KCNJ5: variants seen among roughly 807,000 people sequenced by gnomAD.
The protein encoded by KCNJ5 is potassium inwardly rectifying channel subfamily J member 5, also known as G protein-activated inward rectifier potassium channel 4.
In KCNJ5, 12 loss-of-function variants were observed where a neutral mutation model predicts 20.2. The ratio of observed to expected loss-of-function variants is 0.59; its 90% CI spans 0.38 to 0.96. The LOEUF is 0.96. Ranked by LOEUF, KCNJ5 falls within the 40% of genes least tolerant of loss-of-function variation. The probability of loss-of-function intolerance (pLI) is 0.00; values close to 1 mark genes in which losing one functional copy is unlikely to be tolerated. For synonymous variants in KCNJ5, 210 were observed against 213.9 expected, an observed-to-expected ratio of 0.98 and a Z score of 0.16; for missense variants, 449 against 557.6, an observed-to-expected ratio of 0.81 and a Z score of 1.96.
intron 1 of KCNJ5, among the ~76,000 whole-genome samples, chr11:128,905,044 T>C (rs1944374458): frequency 6.6e-6 from 1 of 152,232 alleles, no homozygotes; most frequent in Non-Finnish European, 1.5e-5. Context: ...AGGTTGGTAA[T>C]TGTGAAAAGC....
chr11:128,911,619 G>T lies in KCNJ5; in HGVS notation c.346G>T (p.Gly116Cys). The change falls in exon 2 of 3, where the codon GGT becomes TGT. Residue 116 changes from glycine (G) to cysteine (C), a missense_variant. Physicochemically the swap from Gly to Cys is radical, Grantham distance 159. Transcript: ENST00000529694. The surrounding 1 kb of genome is among the most constrained non-coding windows in gnomAD (Gnocchi z 6.3). Reference sequence around the variant, plus strand: ...TTGGTGGCTCATTGCTTATATCCGGGGTGACCTGGACCATGTTGGCGACCA... The same window carrying T: ...TTGGTGGCTCATTGCTTATATCCGGTGTGACCTGGACCATGTTGGCGACCA... ...FIWWLIAYIRGDLDHVGDQEW... is the reference protein window; with the variant it reads ...FIWWLIAYIRCDLDHVGDQEW... The T allele has an allele frequency of 1.9e-6, 3 of 1,614,144 alleles. No individual in the cohort carries two copies. The highest frequency in any genetic ancestry group is 2.5e-6 in the Non-Finnish European group (3 of 1,180,022).
intron 1 of KCNJ5, chr11:128,904,283 C>T (rs1391711186): frequency 6.7e-6 from 8 of 1,191,142 alleles, no homozygotes; most frequent in Admixed American, 2.5e-5. Context: ...GACTCTTCCT[C>T]GCCCACCCCA....
At chr11:128,907,086 C>T (rs75131583) in intron 1 of KCNJ5, among the ~76,000 whole-genome samples, 2,576 of 152,284 alleles carry the variant, frequency 0.017, 70 homozygotes, top group African/African-American at 0.059. Flanking sequence ...TATATTCCCA[C>T]AGAAGAGTAT....
rs958193879 is a variant in KCNJ5, at chr11:128,919,152, A to T, written c.*2421A>T. ...CGTCAGTGCCCCCAGGTTAGAGCTC[A>T]TGGGGGTCAACTAAGCGAGGGAGGG... is the stretch of plus-strand genomic sequence containing the variant. On this transcript the variant is annotated 3_prime_UTR_variant, in exon 3 of 3. Transcript: ENST00000529694. 2 of 152,352 alleles carry T rather than the reference A, an allele frequency of 1.3e-5. No homozygotes were observed. Among genetic ancestry groups the T allele is most frequent in the African/African-American group, 2.4e-5 (1 of 41,432 alleles). 9.4% of individuals were successfully genotyped at this position (152,352 alleles called of 1,614,324 possible).
At chr11:128,895,905 G>A (rs951144260) in intron 1 of KCNJ5, among the ~76,000 whole-genome samples, 1 of 152,208 alleles carries the variant, frequency 6.6e-6, no homozygotes, top group South Asian at 2.1e-4. Flanking sequence ...GGTTTGGAAA[G>A]GAGGGAGCCA....
At chr11:128,895,460 T>C (rs541939575) in intron 1 of KCNJ5, among the ~76,000 whole-genome samples, 3 of 150,080 alleles carry the variant, frequency 2.0e-5, no homozygotes, top group Non-Finnish European at 4.4e-5. Context: ...AGGTGCTGCT[T>C]CTGCTTCAGC....
Position 128,891,429 on chromosome 11 carries a change from CACACACACACACAGAGAGAGAG to C in KCNJ5, c.-301_-280del, listed in dbSNP as rs1469343179. On this transcript the variant is annotated 5_prime_UTR_variant, in exon 1 of 3. Transcript: ENST00000529694. The stretch of plus-strand genomic sequence containing the variant: ...ACACACACACACACACACACACACA[CACACACACACACAGAGAGAGAG>C]AGAGAGAGAGAGAGAGAGAGAGAGA... 3 of 101,312 alleles carry C rather than the reference CACACACACACACAGAGAGAGAG, an allele frequency of 3.0e-5. No homozygotes were observed. Among genetic ancestry groups the C allele is most frequent in the African/African-American group, 1.3e-4 (3 of 22,694 alleles). The allele number at this position is 101,312 out of a possible 1,614,324, so 6.3% of individuals were successfully genotyped here. A position where few individuals can be genotyped will look rare whatever the true frequency, so the allele number is the denominator to read the frequency against.
intron 1 of KCNJ5, among the ~76,000 whole-genome samples, chr11:128,909,378 G>A (rs1944467817): frequency 6.6e-6 from 1 of 152,182 alleles, no homozygotes; most frequent in Non-Finnish European, 1.5e-5. Context: ...ATCCCCAAAT[G>A]GGGTCAGTTG....
At chr11:128,903,441 C>A in intron 1 of KCNJ5, 1 of 1,614,168 alleles carries the variant, frequency 6.2e-7, no homozygotes, top group Non-Finnish European at 8.5e-7. Flanking sequence ...CTATGGCATG[C>A]ACATCCTGCC....
At chr11:128,892,113 G>A (rs371882229) in intron 1 of KCNJ5, among the ~76,000 whole-genome samples, 5 of 152,212 alleles carry the variant, frequency 3.3e-5, no homozygotes, top group Admixed American at 6.5e-5. Flanking sequence ...GATGGGGGGC[G>A]GTGCCCCCCT....
chr11:128,908,480 A>G (rs1944454755), intron 1 of KCNJ5, among the ~76,000 whole-genome samples: 1 of 152,242 alleles, frequency 6.6e-6, no homozygotes, highest in Admixed American at 6.5e-5. Flanking sequence ...ATTCCAGCGC[A>G]CAGGAATGCG....
At chr11:128,893,266 C>T (rs1944121717) in intron 1 of KCNJ5, among the ~76,000 whole-genome samples, 1 of 152,080 alleles carries the variant, frequency 6.6e-6, no homozygotes, top group Non-Finnish European at 1.5e-5. Context: ...CAGTGGGAGG[C>T]CTGGGGCACA....
chr11:128,902,502 C>T (rs186223202), intron 1 of KCNJ5: 52 of 1,554,036 alleles, frequency 3.3e-5, no homozygotes, highest in East Asian at 1.2e-4. Context: ...TCATAGCAGC[C>T]GTCTGCATGG....
chr11:128,892,184 C>G (rs1440160513), intron 1 of KCNJ5, among the ~76,000 whole-genome samples: 1 of 152,226 alleles, frequency 6.6e-6, no homozygotes, highest in Non-Finnish European at 1.5e-5. Flanking sequence ...ACTGGAAACA[C>G]GGCCTTGTGA....
intron 2 of KCNJ5, among the ~76,000 whole-genome samples, chr11:128,915,652 C>A (rs768058981): frequency 6.6e-6 from 1 of 152,242 alleles, no homozygotes; most frequent in Non-Finnish European, 1.5e-5. Context: ...TCTGCCACCA[C>A]TACGCCTTGA....
At chr11:128,903,096 G>A (rs932605362) in intron 1 of KCNJ5, among the ~76,000 whole-genome samples, 6 of 152,162 alleles carry the variant, frequency 3.9e-5, no homozygotes, top group Non-Finnish European at 8.8e-5. Context: ...CTGCGTGTGT[G>A]TACAGCTCAC....
At chr11:128,906,862 T>TA (rs1944425231) in intron 1 of KCNJ5, among the ~76,000 whole-genome samples, 2 of 152,174 alleles carry the variant, frequency 1.3e-5, no homozygotes, top group Non-Finnish European at 2.9e-5. Flanking sequence ...TTCCTGGGGT[T>TA]CCTCAGGGGG....
chr11:128,892,326 C>A (rs1683296796), intron 1 of KCNJ5, among the ~76,000 whole-genome samples: 1 of 152,222 alleles, frequency 6.6e-6, no homozygotes, highest in African/African-American at 2.4e-5. Context: ...AGAAGGCCGG[C>A]CTTGTCATTG....
At chr11:128,897,166 C>T (rs1186285306) in intron 1 of KCNJ5, among the ~76,000 whole-genome samples, 3 of 142,408 alleles carry the variant, frequency 2.1e-5, no homozygotes, top group Admixed American at 7.3e-5. Context: ...GGTGCAATCT[C>T]GGCTCACTGC....
Sources: allele counts gnomAD v4.1 joint callset (sites outside exome capture counted in the v4.1 genomes callset), GRCh38; gene constraint gnomAD v4.1.1; non-coding constraint Gnocchi (gnomAD v3.1); transcripts MANE v1.5; gene names NCBI Gene and HGNC (gene_info 2026-07-23, HGNC 2026-07-21).